The following ABLIM2 variants were observed in gnomAD, a reference collection of about 807,000 sequenced individuals.
The protein encoded by ABLIM2 is actin binding LIM protein family member 2.
A neutral mutation model predicts 97.7 loss-of-function variants in ABLIM2; 53 were observed. That is an observed-to-expected ratio of 0.54 (90% CI 0.44 to 0.68). The LOEUF is 0.68. Ranked by LOEUF, ABLIM2 falls within the 30% of genes least tolerant of loss-of-function variation. ABLIM2 has a pLI of 0.00. For synonymous variants in ABLIM2, 361 were observed against 345.8 expected (o/e 1.04, Z -0.49); for missense variants, 835 against 867.2 (o/e 0.96, Z 0.47).
At position 7,992,984 on chromosome 4, in the gene ABLIM2, G is replaced by A; in HGVS notation, c.1619-57C>T. The A allele has an allele frequency of 6.4e-7, 1 of 1,573,146 alleles. No homozygotes were observed. The highest frequency in any genetic ancestry group is 1.7e-5 in the Admixed American group (1 of 58,138). On this transcript the variant is annotated intron_variant, in intron 16 of 20. Coordinates refer to ENST00000447017, the MANE Select transcript of ABLIM2 (RefSeq NM_001130083.2). The surrounding 1 kb of genome is among the most constrained non-coding windows in gnomAD (Gnocchi z 5.7). Reference sequence around the variant, plus strand: ...GCGCAGACTCGGTGCAGCAATGGGGGTGCAGCCCTGGGGGGGCTTCCCACC... The same window carrying A: ...GCGCAGACTCGGTGCAGCAATGGGGATGCAGCCCTGGGGGGGCTTCCCACC...
At chr4:8,064,792 T>C (rs1305465436) in intron 6 of ABLIM2, among the ~76,000 whole-genome samples, 1 of 152,176 alleles carries the variant, frequency 6.6e-6, no homozygotes, top group Non-Finnish European at 1.5e-5. Flanking sequence ...GCACCAGACC[T>C]GTTCTCTTTC....
chr4:8,158,759 C>G lies in ABLIM2; in HGVS notation c.-70G>C. 1 of 1,303,156 alleles carries G rather than the reference C, an allele frequency of 7.7e-7. No individual in the cohort carries two copies. The highest frequency in any genetic ancestry group is 9.7e-7 in the Non-Finnish European group (1 of 1,026,356). The allele number at this position is 1,303,156 out of a possible 1,614,324, so 80.7% of individuals were successfully genotyped here. On this transcript the variant is annotated 5_prime_UTR_variant, in exon 1 of 21. Coordinates refer to ENST00000447017, the MANE Select transcript of ABLIM2 (RefSeq NM_001130083.2). The stretch of plus-strand genomic sequence containing the variant: ...CAGACCCTCGGGCCCGCAGGTGCCG[C>G]GCCCGCGCTATCCTCCGCCCGCCCG...
chr4:8,006,764 C>A (rs13111393), intron 16 of ABLIM2, among the ~76,000 whole-genome samples: 1 of 152,006 alleles, frequency 6.6e-6, no homozygotes, highest in African/African-American at 2.4e-5. Flanking sequence ...GGCAGGCGCG[C>A]GTGGACCAGC....
At position 7,996,797 on chromosome 4, in the gene ABLIM2, C is replaced by T. The variant is rs916149606; in HGVS notation, c.1619-3870G>A. On this transcript the variant is annotated intron_variant, in intron 16 of 20. Transcript: ENST00000447017. The surrounding 1 kb of genome is among the most constrained non-coding windows in gnomAD (Gnocchi z 4.5). Reference sequence around the variant, plus strand: ...TGCGGACAGTTCTGCTCTTTCAGCACGTGAAAGACGTCAGGACACTTCCTG... The same window carrying T: ...TGCGGACAGTTCTGCTCTTTCAGCATGTGAAAGACGTCAGGACACTTCCTG... Among the ~76,000 whole-genome samples the T allele has an allele frequency of 3.9e-5, 6 of 152,204 alleles. No homozygotes were observed. The highest frequency in any genetic ancestry group is 5.9e-5 in the Non-Finnish European group (4 of 68,044).
At chr4:8,000,316 G>T (rs1218520177) in intron 16 of ABLIM2, among the ~76,000 whole-genome samples, 1 of 152,126 alleles carries the variant, frequency 6.6e-6, no homozygotes, top group Non-Finnish European at 1.5e-5. Flanking sequence ...TCAGAGTCAG[G>T]CCACAGGATC....
intron 6 of ABLIM2, among the ~76,000 whole-genome samples, chr4:8,063,340 T>C (rs1387193801): frequency 6.6e-6 from 1 of 152,212 alleles, no homozygotes; most frequent in African/African-American, 2.4e-5. Context: ...GCTGAGATTA[T>C]AGGCGTGAGC....
rs1344560559 is a variant in ABLIM2, at chr4:8,068,702, C to T, written c.676-7648G>A. Among the ~76,000 whole-genome samples, 1 of 152,186 alleles carries T rather than the reference C, an allele frequency of 6.6e-6. No homozygotes were observed. Among genetic ancestry groups the T allele is most frequent in the Non-Finnish European group, 1.5e-5 (1 of 68,040 alleles). On this transcript the variant is annotated intron_variant, in intron 6 of 20. Transcript: ENST00000447017. This position sits in a 1 kb window ranked among gnomAD's most constrained non-coding sequence, Gnocchi z 4.5. ...ACTTCCCCTTGCTTCTTCCCCGCTG[C>T]GGGCTCCCGCTCAGCCGAGGGCCAG...
In ABLIM2 at chr4:7,970,199, C is replaced by T. The variant is rs375600428; in HGVS notation, c.1825-3096G>A. 9.2e-5 allele frequency among the ~76,000 whole-genome samples: 14 copies of T among 152,046 alleles called. No homozygotes were observed. Among genetic ancestry groups the T allele is most frequent in the African/African-American group, 2.9e-4 (12 of 41,414 alleles). ...GGTAGGCTGGGGTGGTGAACTGACACGTAAGTAAATATGTAAAGGAGGGGA... is the reference window on the plus strand; with the variant it reads ...GGTAGGCTGGGGTGGTGAACTGACATGTAAGTAAATATGTAAAGGAGGGGA... On this transcript the variant is annotated intron_variant, in intron 20 of 20. Coordinates refer to ENST00000447017, the MANE Select transcript of ABLIM2 (RefSeq NM_001130083.2). This position sits in a 1 kb window ranked among gnomAD's most constrained non-coding sequence, Gnocchi z 5.3.
Position 8,032,891 on chromosome 4 carries a change from AG to A in ABLIM2, c.1048-3116del, listed in dbSNP as rs1781863140. ...CATGGTTAATTCTTCCCAGAGAAAG[AG>A]GCCCCCGGGGAAACTGATTTCGTGC... On this transcript the variant is annotated intron_variant, in intron 10 of 20. Coordinates refer to ENST00000447017, the MANE Select transcript of ABLIM2 (RefSeq NM_001130083.2). The surrounding 1 kb of genome is among the most constrained non-coding windows in gnomAD (Gnocchi z 4.3). Among the ~76,000 whole-genome samples the A allele has an allele frequency of 1.3e-5, 2 of 152,140 alleles. No homozygotes were observed. The highest frequency in any genetic ancestry group is 1.3e-4 in the Admixed American group (2 of 15,274).
At chr4:7,978,201 C>T (rs1421590057) in intron 20 of ABLIM2, among the ~76,000 whole-genome samples, 1 of 152,122 alleles carries the variant, frequency 6.6e-6, no homozygotes, top group Non-Finnish European at 1.5e-5. Context: ...ACGTCCCACT[C>T]TCAGCCCGAG....
intron 16 of ABLIM2, chr4:8,007,516 C>T: frequency 1.0e-6 from 1 of 985,612 alleles, no homozygotes; most frequent in Non-Finnish European, 1.2e-6. Flanking sequence ...ACAGCATTAT[C>T]TGGAGTTTTC....
At position 8,084,503 on chromosome 4, in the gene ABLIM2, G is replaced by A. The variant is rs559307907; in HGVS notation, c.454+3666C>T. Among the ~76,000 whole-genome samples the A allele has an allele frequency of 5.9e-5, 9 of 152,250 alleles. No homozygotes were observed. In the South Asian group the frequency reaches 1.5e-3, roughly 25 times the overall value. On this transcript the variant is annotated intron_variant, in intron 4 of 20. Transcript: ENST00000447017. ...GGAGCAAAGGACACAGGGGCTCCAC[G>A]TGCCACAGCCCAGGTGGTCAAGCCC...
chr4:8,157,975 G>C (rs1367106994), intron 1 of ABLIM2, among the ~76,000 whole-genome samples: 4 of 152,288 alleles, frequency 2.6e-5, no homozygotes, highest in Admixed American at 1.3e-4. Flanking sequence ...TCCAGTTCTA[G>C]GTCTCAGTTT....
At position 8,095,304 on chromosome 4, in the gene ABLIM2, A is replaced by G. The variant is rs779533726; in HGVS notation, c.338+1795T>C. ...TTTTTTGTAGAGACAGGGTCTTGCT[A>G]TGTCACGCAGGCTGATCTTGAACTC... is the stretch of plus-strand genomic sequence containing the variant. On this transcript the variant is annotated intron_variant, in intron 3 of 20. Coordinates refer to ENST00000447017, the MANE Select transcript of ABLIM2 (RefSeq NM_001130083.2). The surrounding 1 kb of genome is among the most constrained non-coding windows in gnomAD (Gnocchi z 4.7). Among the ~76,000 whole-genome samples, 1 of 152,074 alleles carries G rather than the reference A, an allele frequency of 6.6e-6. No homozygotes were observed. The highest frequency in any genetic ancestry group is 1.5e-5 in the Non-Finnish European group (1 of 68,018).
chr4:8,053,514 A>G (rs1215097880), intron 8 of ABLIM2, among the ~76,000 whole-genome samples: 6 of 152,216 alleles, frequency 3.9e-5, no homozygotes, highest in African/African-American at 1.4e-4. Context: ...GTTCACAGAC[A>G]TGAGGGGGGT....
chr4:8,040,908 G>C (rs1788004841), intron 9 of ABLIM2, among the ~76,000 whole-genome samples: 1 of 152,216 alleles, frequency 6.6e-6, no homozygotes, highest in Non-Finnish European at 1.5e-5. Context: ...TGCAAAGTCA[G>C]CTCATATCTC....
chr4:8,142,403 T>C (rs1851125762), intron 1 of ABLIM2, among the ~76,000 whole-genome samples: 1 of 152,194 alleles, frequency 6.6e-6, no homozygotes, highest in African/African-American at 2.4e-5. Flanking sequence ...GCAGACTGCA[T>C]TACGATGACT....
intron 14 of ABLIM2, among the ~76,000 whole-genome samples, chr4:8,013,219 CTTTTTTTTTTTT>C (rs60424207): frequency 2.0e-4 from 22 of 110,618 alleles, no homozygotes; most frequent in Admixed American, 1.6e-3. Context: ...AACATTTTTC[CTTTTTTTTTTTT>C]TTTTTTTTTG....
intron 8 of ABLIM2, among the ~76,000 whole-genome samples, chr4:8,051,458 G>A (rs1025754513): frequency 2.0e-4 from 31 of 151,658 alleles, no homozygotes; most frequent in African/African-American, 7.3e-4. Context: ...TTGGGAGGCT[G>A]CGGCTGAAGA....
Sources: gnomAD v4.1 joint callset for allele counts (sites outside exome capture counted in the v4.1 genomes callset) on GRCh38, gnomAD v4.1.1 for gene constraint, Gnocchi (gnomAD v3.1) non-coding constraint, MANE v1.5 for transcripts, NCBI Gene and HGNC (gene_info 2026-07-23, HGNC 2026-07-21) for gene names.